The following EPAS1 variants were observed in gnomAD, a reference collection of about 807,000 sequenced individuals.
EPAS1 encodes the protein endothelial PAS domain-containing protein 1.
A neutral mutation model predicts 87.9 loss-of-function variants in EPAS1; 23 were observed. The observed-to-expected ratio is 0.26, with a 90% CI of 0.19 to 0.37. EPAS1 has a LOEUF of 0.37. EPAS1 is among the 10% of genes least tolerant of loss of function. EPAS1 has a pLI of 1.00. For synonymous variants in EPAS1, 508 were observed against 444.3 expected (o/e 1.14, Z -1.80); for missense variants, 1,138 against 1,120.7 (o/e 1.02, Z -0.22).
intron 4 of EPAS1, among the ~76,000 whole-genome samples, chr2:46,358,272 C>G (rs1684310313): frequency 6.6e-6 from 1 of 152,242 alleles, no homozygotes; most frequent in South Asian, 2.1e-4. Context: ...CTCCTCTGCT[C>G]TCTCTTCTGC....
intron 1 of EPAS1, among the ~76,000 whole-genome samples, chr2:46,334,728 A>G (rs1254253431): frequency 6.6e-6 from 1 of 152,230 alleles, no homozygotes; most frequent in Non-Finnish European, 1.5e-5. Flanking sequence ...GGAATAAGCC[A>G]TTGCTGGGGG....
intron 1 of EPAS1, among the ~76,000 whole-genome samples, chr2:46,332,424 G>C (rs530385315): frequency 1.3e-5 from 2 of 151,732 alleles, no homozygotes; most frequent in African/African-American, 2.4e-5. Context: ...AATCACTGAC[G>C]GGACCTCAGT....
chr2:46,325,165 TC>T (rs1396329916), intron 1 of EPAS1, among the ~76,000 whole-genome samples: 5 of 152,252 alleles, frequency 3.3e-5, no homozygotes, highest in African/African-American at 1.2e-4. Context: ...GCTTGTTGGA[TC>T]CAGTACTCTC....
intron 6 of EPAS1, 133 bp from the exon 7 acceptor site, chr2:46,369,694 C>G: frequency 1.4e-6 from 1 of 711,886 alleles, no homozygotes; most frequent in Non-Finnish European, 2.6e-6. Flanking sequence ...ATACATGGTA[C>G]AACAAGAAAG....
At chr2:46,382,239 A>C in intron 14 of EPAS1, 150 bp downstream of exon 14, 1 of 1,037,092 alleles carries the variant, frequency 9.6e-7, no homozygotes, top group Admixed American at 2.0e-5. Flanking sequence ...TCTCTCCCGC[A>C]GTCCCACACA....
intron 1 of EPAS1, among the ~76,000 whole-genome samples, chr2:46,330,686 C>A (rs997352629): frequency 5.5e-4 from 84 of 152,334 alleles, no homozygotes; most frequent in African/African-American, 1.9e-3. Context: ...AATAGGGTTG[C>A]CCCATGGTTC....
At chr2:46,344,338 G>T (rs142415178) in intron 1 of EPAS1, among the ~76,000 whole-genome samples, 1 of 152,232 alleles carries the variant, frequency 6.6e-6, no homozygotes, top group African/African-American at 2.4e-5. Flanking sequence ...AGATATTGGC[G>T]TTAATGCCAT....
At chr2:46,298,446 G>GAC (rs1682930888) in intron 1 of EPAS1, among the ~76,000 whole-genome samples, 1 of 152,214 alleles carries the variant, frequency 6.6e-6, no homozygotes, top group African/African-American at 2.4e-5. Context: ...GCGGCTCAGG[G>GAC]ACACGATCCT....
At chr2:46,366,419 A>G (rs1037170547) in intron 6 of EPAS1, among the ~76,000 whole-genome samples, 2 of 152,166 alleles carry the variant, frequency 1.3e-5, no homozygotes, top group Admixed American at 1.3e-4. Flanking sequence ...GGTAACACCA[A>G]CTTCAGAATT....
At chr2:46,339,048 A>C (rs113524405) in intron 1 of EPAS1, among the ~76,000 whole-genome samples, 227 of 152,354 alleles carry the variant, frequency 1.5e-3, no homozygotes, top group African/African-American at 5.1e-3. Context: ...TATTTATAAC[A>C]GCTAAAAATT....
At chr2:46,349,557 T>C (rs147510335) in intron 2 of EPAS1, among the ~76,000 whole-genome samples, 102 of 152,346 alleles carry the variant, frequency 6.7e-4, no homozygotes, top group African/African-American at 1.8e-3. Context: ...CTAGAGCCTT[T>C]AGCCTGTCAG....
rs1054428599 is a variant in EPAS1 at position 46,303,795 on chromosome 2, T to C, written c.26+5858T>C. On this transcript the variant is annotated intron_variant, in intron 1 of 15. Coordinates refer to ENST00000263734, the MANE Select transcript of EPAS1 (RefSeq NM_001430.5). ...TTGGATGTCTGATTTGGTGACTGTCTTATGTTTCAGAGTCTTCCTGTTCAG... is the reference window on the plus strand; with the variant it reads ...TTGGATGTCTGATTTGGTGACTGTCCTATGTTTCAGAGTCTTCCTGTTCAG... 1.5e-4 allele frequency among the ~76,000 whole-genome samples: 23 copies of C among 152,206 alleles called. 2 individuals carry two copies. The highest frequency in any genetic ancestry group is 5.2e-4 in the Admixed American group (8 of 15,286).
At position 46,297,770 on chromosome 2, in the gene EPAS1, G is replaced by A. The variant is rs1329704058; in HGVS notation, c.-142G>A. On this transcript the variant is annotated 5_prime_UTR_variant, in exon 1 of 16. Transcript: ENST00000263734. ...GCCGCGCGCCACCTTCCACCTGACT[G>A]CGCGGGGCGCTCGGGACCTGCGCGC... 3.8e-5 allele frequency: 45 copies of A among 1,170,042 alleles called. 1 individual carries two copies. In the South Asian group the frequency reaches 5.5e-4, roughly 14 times the overall value. 72.5% of individuals were successfully genotyped at this position (1,170,042 alleles called of 1,614,324 possible). A position where few individuals can be genotyped will look rare whatever the true frequency, so the allele number is the denominator to read the frequency against.
intron 3 of EPAS1, 53 bp downstream of exon 3, chr2:46,356,355 A>G: frequency 1.9e-6 from 3 of 1,609,424 alleles, no homozygotes; most frequent in Non-Finnish European, 2.6e-6. Context: ...ATTTGGGGGT[A>G]GAAATGAGTG....
rs1316703218 is a variant in EPAS1 at position 46,297,615 on chromosome 2, A to G, written c.-297A>G. On this transcript the variant is annotated 5_prime_UTR_variant, in exon 1 of 16. Coordinates refer to ENST00000263734, the MANE Select transcript of EPAS1 (RefSeq NM_001430.5). ...GTGACTCCTTTTCCAGGGAAAAAGG[A>G]ACTTGGGTTCCCTTCTCTCCGTCCT... 3 of 454,104 alleles carry G rather than the reference A, an allele frequency of 6.6e-6. No homozygotes were observed. The Admixed American group carries it at 1.1e-4, about 17-fold the overall frequency. The allele number at this position is 454,104 out of a possible 1,614,324, so 28.1% of individuals were successfully genotyped here.
chr2:46,310,704 GCCTTGGCCAGAGATC>G (rs1356071322), intron 1 of EPAS1, among the ~76,000 whole-genome samples: 1 of 152,226 alleles, frequency 6.6e-6, no homozygotes, highest in Non-Finnish European at 1.5e-5. Flanking sequence ...TGTGGGCCAG[GCCTTGGCCAGAGATC>G]CCAAGTCACT....
At chr2:46,365,827 T>C (rs752019541) in intron 6 of EPAS1, among the ~76,000 whole-genome samples, 11 of 152,222 alleles carry the variant, frequency 7.2e-5, no homozygotes, top group Middle Eastern at 3.4e-3. Context: ...TAAGCACATA[T>C]AGAAACCAAA....
Position 46,353,966 on chromosome 2 carries a change from A to T in EPAS1, c.218-2185A>T, listed in dbSNP as rs538392931. 2.6e-5 allele frequency among the ~76,000 whole-genome samples: 4 copies of T among 152,352 alleles called. No individual in the cohort carries two copies. The East Asian group carries it at 7.7e-4, about 29-fold the overall frequency. On this transcript the variant is annotated intron_variant, in intron 2 of 15. Transcript: ENST00000263734. ...CCATCCCCGGACAGGACCCACTGTG[A>T]TCCTCTGCAAAAGGCATCTGTGACT...
intron 1 of EPAS1, among the ~76,000 whole-genome samples, chr2:46,316,129 T>A (rs1199465922): frequency 6.6e-6 from 1 of 152,226 alleles, no homozygotes; most frequent in African/African-American, 2.4e-5. Flanking sequence ...ATATTGTAGG[T>A]TCGTTCCAGG....
Sources: gnomAD v4.1 joint callset for allele counts (sites outside exome capture counted in the v4.1 genomes callset) on GRCh38, gnomAD v4.1.1 for gene constraint, MANE v1.5 for transcripts, NCBI Gene and HGNC (gene_info 2026-07-23, HGNC 2026-07-21) for gene names.